The following HDAC9 variants were observed in gnomAD, a reference collection of about 807,000 sequenced individuals.
HDAC9 encodes histone deacetylase 9.
Under a neutral mutation model 139.4 loss-of-function variants are expected in HDAC9, and 41 were observed. That is an observed-to-expected ratio of 0.29 (90% CI 0.23 to 0.38). The LOEUF is 0.38. Among genes scored for constraint, HDAC9 ranks in the 10% least tolerant of loss-of-function variants. The probability of loss-of-function intolerance (pLI) is 1.00; values close to 1 mark genes in which losing one functional copy is unlikely to be tolerated. For missense variants in HDAC9, 1,147 were observed against 1,297.0 expected (o/e 0.88, Z 1.78); for synonymous variants, 517 against 476.2 (o/e 1.09, Z -1.12).
chr7:18,783,630 C>T (rs182737254), intron 16 of HDAC9, among the ~76,000 whole-genome samples: 315 of 150,436 alleles, frequency 2.1e-3, no homozygotes, highest in African/African-American at 7.6e-3. Context: ...GGTTACCACA[C>T]AAGGAATCAA....
At chr7:18,736,295 G>A (rs1786887894) in intron 13 of HDAC9, among the ~76,000 whole-genome samples, 1 of 152,120 alleles carries the variant, frequency 6.6e-6, no homozygotes. Context: ...GTGAGAGAGG[G>A]CATCCTTGTC....
chr7:18,913,032 C>T (rs763896616), intron 22 of HDAC9, among the ~76,000 whole-genome samples: 1 of 152,060 alleles, frequency 6.6e-6, no homozygotes, highest in East Asian at 1.9e-4. Context: ...GTAGCACATA[C>T]AAATGGATAT....
chr7:18,668,987 T>C (rs751354886), intron 12 of HDAC9: 183 of 676,496 alleles, frequency 2.7e-4, no homozygotes, highest in Non-Finnish European at 3.1e-4. Context: ...TTACATCTAA[T>C]ACCATTAAAA....
intron 2 of HDAC9, among the ~76,000 whole-genome samples, chr7:18,207,559 A>ATTTTTTTTTTTTTTTTT (rs1584636090): frequency 2.4e-3 from 89 of 37,358 alleles, no homozygotes; most frequent in African/African-American, 2.9e-3. Flanking sequence ...TTTTTTTTTG[A>ATTTTTTTTTTTTTTTTT]TTTGAGCTTT....
At chr7:18,158,202 T>C (rs558039797) in intron 1 of HDAC9, among the ~76,000 whole-genome samples, 1 of 152,200 alleles carries the variant, frequency 6.6e-6, no homozygotes, top group South Asian at 2.1e-4. Context: ...AAGACAACTG[T>C]AATAAGCTCA....
intron 2 of HDAC9, among the ~76,000 whole-genome samples, chr7:18,165,515 A>G (rs1787941521): frequency 6.6e-6 from 1 of 152,166 alleles, no homozygotes. Flanking sequence ...GGCTAGGTGC[A>G]GTGGCTCATG....
intron 16 of HDAC9, among the ~76,000 whole-genome samples, chr7:18,792,899 A>G (rs1370813067): frequency 6.6e-6 from 1 of 152,124 alleles, no homozygotes; most frequent in African/African-American, 2.4e-5. Flanking sequence ...GCAGTCAGAA[A>G]GGTATTTGAA....
intron 1 of HDAC9, among the ~76,000 whole-genome samples, chr7:18,477,390 T>TGTGC (rs920928102): frequency 1.3e-5 from 2 of 151,874 alleles, no homozygotes; most frequent in South Asian, 2.1e-4. Flanking sequence ...ATCAGTTATG[T>TGTGC]GTGCGTGCGT....
chr7:18,116,010 TTATTTC>T (rs1047482677), intron 1 of HDAC9, among the ~76,000 whole-genome samples: 1 of 152,212 alleles, frequency 6.6e-6, no homozygotes, highest in Admixed American at 6.5e-5. Flanking sequence ...AATGTAGTGT[TTATTTC>T]TATAGAGAAA....
chr7:18,599,600 A>G (rs1041993487), intron 6 of HDAC9, among the ~76,000 whole-genome samples: 1 of 152,210 alleles, frequency 6.6e-6, no homozygotes, highest in Non-Finnish European at 1.5e-5. Flanking sequence ...TGCATTTAAG[A>G]TTCTTCCATG....
At chr7:18,655,861 C>T (rs1790962969) in intron 11 of HDAC9, among the ~76,000 whole-genome samples, 1 of 152,038 alleles carries the variant, frequency 6.6e-6, no homozygotes, top group South Asian at 2.1e-4. Flanking sequence ...AATTAAACCA[C>T]GTGAATTGTT....
At chr7:18,917,152 A>G (rs1803281280) in intron 22 of HDAC9, among the ~76,000 whole-genome samples, 1 of 152,014 alleles carries the variant, frequency 6.6e-6, no homozygotes. Context: ...CAAATATGAA[A>G]TCATCTTATG....
chr7:18,585,254 C>G (rs774253226), intron 2 of HDAC9, 27 bp from the exon 3 acceptor site: 2 of 1,609,182 alleles, frequency 1.2e-6, no homozygotes, highest in Non-Finnish European at 1.7e-6. Context: ...TCCCCCACCC[C>G]ATTTCCCTTT....
At chr7:18,569,739 A>T (rs1022861259) in intron 2 of HDAC9, among the ~76,000 whole-genome samples, 1 of 152,190 alleles carries the variant, frequency 6.6e-6, no homozygotes, top group South Asian at 2.1e-4. Flanking sequence ...ATTTATGTAT[A>T]TGTAAAAAGT....
intron 2 of HDAC9, among the ~76,000 whole-genome samples, chr7:18,502,128 G>A (rs1398061475): frequency 2.6e-5 from 4 of 152,068 alleles, no homozygotes; most frequent in African/African-American, 9.7e-5. Flanking sequence ...ATAACAAATT[G>A]CAGAGACAAA....
At chr7:18,739,560 C>G (rs534013686) in intron 13 of HDAC9, among the ~76,000 whole-genome samples, 1 of 152,292 alleles carries the variant, frequency 6.6e-6, no homozygotes, top group Admixed American at 6.5e-5. Context: ...GAGGTCCACT[C>G]CAGACCCTGT....
chr7:18,992,878 T>G (rs1376563459), intron 25 of HDAC9, among the ~76,000 whole-genome samples: 2 of 152,198 alleles, frequency 1.3e-5, no homozygotes, highest in Non-Finnish European at 2.9e-5. Flanking sequence ...ATACTAAAAT[T>G]TATCTTTGCT....
chr7:18,175,182 G>T (rs969735326), intron 2 of HDAC9, among the ~76,000 whole-genome samples: 1 of 152,118 alleles, frequency 6.6e-6, no homozygotes. Flanking sequence ...CCTCCCCCCT[G>T]CCAGGCTGCT....
intron 1 of HDAC9, among the ~76,000 whole-genome samples, chr7:18,297,443 C>G (rs1401668137): frequency 6.6e-6 from 1 of 152,048 alleles, no homozygotes; most frequent in East Asian, 1.9e-4. Flanking sequence ...TCTCAGATAG[C>G]TGTTGAGTTT....
Sources: gnomAD v4.1 joint callset for allele counts (sites outside exome capture counted in the v4.1 genomes callset) on GRCh38, gnomAD v4.1.1 for gene constraint, MANE v1.5 for transcripts, NCBI Gene and HGNC (gene_info 2026-07-23, HGNC 2026-07-21) for gene names.